Variants in STK33 observed in about 807,000 individuals in gnomAD.
STK33 encodes the protein serine/threonine kinase 33, also known as serine/threonine-protein kinase 33.
In STK33, 52 loss-of-function variants were observed where a neutral mutation model predicts 58.0. The ratio of observed to expected loss-of-function variants is 0.90; its 90% CI spans 0.72 to 1.13. The LOEUF (loss-of-function observed/expected upper bound fraction) is 1.13. Among genes scored for constraint, STK33 ranks in the 50% most tolerant of loss-of-function variants. The probability of loss-of-function intolerance (pLI) is 0.00; values close to 1 mark genes in which losing one functional copy is unlikely to be tolerated. For missense variants in STK33, 630 were observed against 604.2 expected, an observed-to-expected ratio of 1.04 and a Z score of -0.45; for synonymous variants, 215 against 200.1, an observed-to-expected ratio of 1.07 and a Z score of -0.63.
At chr11:8,508,337 T>C (rs1345038243) in intron 1 of STK33, among the ~76,000 whole-genome samples, 1 of 140,356 alleles carries the variant, frequency 7.1e-6, no homozygotes, top group Non-Finnish European at 1.5e-5. Context: ...TGCACAATCA[T>C]AGTTCACTGC....
chr11:8,342,356 T>C, the STK33 span, among the ~76,000 whole-genome samples: 2 of 152,370 alleles, frequency 1.3e-5, no homozygotes, highest in South Asian at 2.1e-4. Context: ...GCAGTTGGCC[T>C]TTCTCATTTA....
At chr11:8,454,700 C>T (rs754336825) in intron 10 of STK33, 44 bp downstream of exon 10, 1 of 1,527,080 alleles carries the variant, frequency 6.5e-7, no homozygotes, top group African/African-American at 1.4e-5. Context: ...ACTTTGCTAT[C>T]AAACTGTTTA....
At chr11:8,401,307 T>C (rs1212947660) in intron 15 of STK33, among the ~76,000 whole-genome samples, 3 of 152,032 alleles carry the variant, frequency 2.0e-5, no homozygotes, top group African/African-American at 4.8e-5. Flanking sequence ...CCCTCAGAAA[T>C]AATGCTGCAT....
chr11:8,408,186 T>C (rs1459496535), intron 15 of STK33, among the ~76,000 whole-genome samples: 1 of 152,186 alleles, frequency 6.6e-6, no homozygotes, highest in Non-Finnish European at 1.5e-5. Context: ...GTAACACTTA[T>C]AGCATAAAGG....
intron 1 of STK33, among the ~76,000 whole-genome samples, chr11:8,527,253 G>A (rs547638833): frequency 2.1e-4 from 32 of 152,260 alleles, no homozygotes; most frequent in Admixed American, 3.9e-4. Flanking sequence ...TGGGCTTACA[G>A]GCATGAGCAA....
intron 14 of STK33, among the ~76,000 whole-genome samples, chr11:8,432,681 T>C (rs1423544673): frequency 6.6e-6 from 1 of 152,210 alleles, no homozygotes; most frequent in Non-Finnish European, 1.5e-5. Flanking sequence ...TAAGCTCTGG[T>C]TGTAAAGCAG....
At chr11:8,491,203 T>G (rs1471251390) in intron 1 of STK33, among the ~76,000 whole-genome samples, 1 of 152,182 alleles carries the variant, frequency 6.6e-6, no homozygotes, top group Non-Finnish European at 1.5e-5. Flanking sequence ...TGAAAAAAGA[T>G]TAGACGAATA....
chr11:8,476,220 A>C (rs1035782081), intron 4 of STK33, among the ~76,000 whole-genome samples: 5 of 152,212 alleles, frequency 3.3e-5, no homozygotes, highest in African/African-American at 9.6e-5. Context: ...TAGCCATGTG[A>C]CTTATGGCCA....
At chr11:8,519,649 G>T (rs1415834528) in intron 1 of STK33, among the ~76,000 whole-genome samples, 1 of 152,078 alleles carries the variant, frequency 6.6e-6, no homozygotes, top group Non-Finnish European at 1.5e-5. Context: ...AATAAAAAAT[G>T]ATAAAGGGGA....
intron 14 of STK33, among the ~76,000 whole-genome samples, chr11:8,422,052 A>G (rs1164716418): frequency 1.3e-5 from 2 of 152,138 alleles, no homozygotes; most frequent in Non-Finnish European, 2.9e-5. Flanking sequence ...GTTGGAAGAA[A>G]AAAAAGCTGA....
At chr11:8,479,861 A>C (rs1949651003) in intron 2 of STK33, among the ~76,000 whole-genome samples, 1 of 152,032 alleles carries the variant, frequency 6.6e-6, no homozygotes, top group Non-Finnish European at 1.5e-5. Flanking sequence ...TAACAAATAA[A>C]AAAATAAGCA....
At chr11:8,578,008 G>C (rs1396406475) in intron 1 of STK33, among the ~76,000 whole-genome samples, 3 of 152,010 alleles carry the variant, frequency 2.0e-5, no homozygotes, top group African/African-American at 7.2e-5. Context: ...GTTTCACTCT[G>C]GTGAGTAAAT....
chr11:8,570,848 T>C (rs114520716), intron 1 of STK33, among the ~76,000 whole-genome samples: 2,126 of 152,248 alleles, frequency 0.014, 51 homozygotes, highest in African/African-American at 0.049. Context: ...TAAGCATAGG[T>C]AGTTTATTGC....
At position 8,502,762 on chromosome 11, in the gene STK33, A is replaced by G. The variant is rs140545106; in HGVS notation, c.-465-22148T>C. Among the ~76,000 whole-genome samples the G allele has an allele frequency of 4.1e-3, 619 of 152,346 alleles. 5 individuals are homozygous for G. The highest frequency in any genetic ancestry group is 0.014 in the African/African-American group (589 of 41,592). ...GACAAGGGTCAAATATCCAGAATCTATAAGGAACTTAAATTAACAAGCAAA... is the reference window on the plus strand; with the variant it reads ...GACAAGGGTCAAATATCCAGAATCTGTAAGGAACTTAAATTAACAAGCAAA... On this transcript the variant is annotated intron_variant, in intron 1 of 15. Transcript: ENST00000687296.
chr11:8,469,804 T>C (rs1948599160), intron 6 of STK33, among the ~76,000 whole-genome samples: 1 of 152,240 alleles, frequency 6.6e-6, no homozygotes, highest in Admixed American at 6.5e-5. Flanking sequence ...TACATCTCCA[T>C]TAGAGCTCTT....
At chr11:8,389,290 G>A (rs1848586323), downstream of STK33, among the ~76,000 whole-genome samples, 1 of 152,238 alleles carries the variant, frequency 6.6e-6, no homozygotes, top group Admixed American at 6.5e-5. Context: ...GCCCAGAGCA[G>A]GGAGGCACTC....
chr11:8,391,749 T>C (rs1848635001), downstream of STK33: 1 of 152,532 alleles, frequency 6.6e-6, no homozygotes, highest in Non-Finnish European at 1.5e-5. Context: ...CCCTGTTTCT[T>C]GCTTCATGAT....
intron 1 of STK33, among the ~76,000 whole-genome samples, chr11:8,491,182 G>A (rs911365869): frequency 5.9e-5 from 9 of 152,194 alleles, no homozygotes; most frequent in Non-Finnish European, 1.2e-4. Flanking sequence ...TCGCAAGGAA[G>A]CTAAAAACCT....
At chr11:8,491,749 A>G (rs1950629801) in intron 1 of STK33, among the ~76,000 whole-genome samples, 1 of 152,252 alleles carries the variant, frequency 6.6e-6, no homozygotes, top group Non-Finnish European at 1.5e-5. Context: ...CAGATCTCTC[A>G]GCAGAAACTC....
Sources: allele counts gnomAD v4.1 joint callset (sites outside exome capture counted in the v4.1 genomes callset), GRCh38; gene constraint gnomAD v4.1.1; transcripts MANE v1.5; gene names NCBI Gene and HGNC (gene_info 2026-07-23, HGNC 2026-07-21).